RNF152: variants seen among roughly 807,000 people sequenced by gnomAD.
RNF152 encodes ring finger protein 152.
Under a neutral mutation model 12.7 loss-of-function variants are expected in RNF152, and 11 were observed. That is an observed-to-expected ratio of 0.86 (90% CI 0.54 to 1.43). RNF152 has a LOEUF of 1.43. RNF152 is among the 40% of genes most tolerant of loss of function. The pLI is 0.00. For synonymous variants in RNF152, 113 were observed against 120.3 expected (o/e 0.94, Z 0.40); for missense variants, 255 against 274.8 (o/e 0.93, Z 0.51).
At chr18:61,839,596 T>C (rs1057147863) in intron 1 of RNF152, among the ~76,000 whole-genome samples, 49 of 152,268 alleles carry the variant, frequency 3.2e-4, no homozygotes, top group African/African-American at 1.2e-3. Flanking sequence ...TCTTTTTACA[T>C]TTAAGAAGTA....
chr18:61,845,568 T>C (rs979166674), intron 1 of RNF152, among the ~76,000 whole-genome samples: 1 of 152,210 alleles, frequency 6.6e-6, no homozygotes, highest in African/African-American at 2.4e-5. Context: ...TTGGAAAGTT[T>C]TTATAACGTT....
chr18:61,848,849 C>T (rs1344315054), intron 1 of RNF152, among the ~76,000 whole-genome samples: 3 of 152,182 alleles, frequency 2.0e-5, no homozygotes, highest in Admixed American at 1.3e-4. Context: ...TGCCAGTGGC[C>T]TAACCCAACA....
intron 1 of RNF152, among the ~76,000 whole-genome samples, chr18:61,820,716 A>G (rs1266972000): frequency 6.6e-6 from 1 of 152,108 alleles, no homozygotes; most frequent in Non-Finnish European, 1.5e-5. Context: ...ATATCAAAAC[A>G]GTGACCACCG....
chr18:61,868,519 G>A (rs150615882), intron 1 of RNF152, among the ~76,000 whole-genome samples: 4,858 of 152,076 alleles, frequency 0.032, 268 homozygotes, highest in African/African-American at 0.11. Context: ...CCTGGCCAAC[G>A]TGGTAAAATC....
intron 1 of RNF152, among the ~76,000 whole-genome samples, chr18:61,840,092 A>G (rs1272221492): frequency 1.3e-5 from 2 of 152,154 alleles, no homozygotes; most frequent in Non-Finnish European, 2.9e-5. Context: ...GCACAGCTAG[A>G]AAATAAATGT....
chr18:61,867,011 G>A (rs1330335265), intron 1 of RNF152, among the ~76,000 whole-genome samples: 2 of 152,184 alleles, frequency 1.3e-5, no homozygotes, highest in African/African-American at 4.8e-5. Flanking sequence ...CTGCACATCA[G>A]GAATTTTTTT....
chr18:61,834,099 A>G (rs1433616276), intron 1 of RNF152, among the ~76,000 whole-genome samples: 1 of 152,160 alleles, frequency 6.6e-6, no homozygotes, highest in Non-Finnish European at 1.5e-5. Flanking sequence ...TAGTTGTCCA[A>G]TCTTATTTTT....
chr18:61,863,015 T>C (rs1372630064), intron 1 of RNF152, among the ~76,000 whole-genome samples: 1 of 150,916 alleles, frequency 6.6e-6, no homozygotes, highest in Non-Finnish European at 1.5e-5. Context: ...AAACAGAGAG[T>C]TTTCCCTACA....
chr18:61,816,093 C>T lies in RNF152; in HGVS notation c.371G>A (p.Gly124Glu). 1 of 1,614,148 alleles carries T rather than the reference C, an allele frequency of 6.2e-7. No homozygotes were observed. The highest frequency in any genetic ancestry group is 8.5e-7 in the Non-Finnish European group (1 of 1,180,008). The change falls in exon 2 of 2, where the codon GGG becomes GAG. Residue 124 changes from glycine (G) to glutamate (E), a missense_variant. By Grantham distance (98) the Gly-to-Glu change is moderately conservative. Transcript: ENST00000312828. ...CACGGTGACGGACTTCTGCTGGCTC[C>T]CGGGCAGCAGGCGGCAGCCCATGTC... ...PGDMGCRLLPGSQQKSVTVVT... is the reference protein window; with the variant it reads ...PGDMGCRLLPESQQKSVTVVT...
At chr18:61,825,729 G>A (rs1044344044) in intron 1 of RNF152, among the ~76,000 whole-genome samples, 2 of 152,080 alleles carry the variant, frequency 1.3e-5, no homozygotes, top group African/African-American at 2.4e-5. Context: ...GAGAGCAAAG[G>A]TCTCTCTCTG....
intron 1 of RNF152, among the ~76,000 whole-genome samples, chr18:61,860,627 G>C (rs190616120): frequency 3.0e-4 from 45 of 152,308 alleles, no homozygotes; most frequent in Admixed American, 7.9e-4. Flanking sequence ...TATGTTACTG[G>C]TTTCTGCATT....
chr18:61,834,962 C>T (rs945318704), intron 1 of RNF152, among the ~76,000 whole-genome samples: 1 of 152,154 alleles, frequency 6.6e-6, no homozygotes, highest in Admixed American at 6.5e-5. Context: ...AAAAAGGCAA[C>T]GTTCCCTGGG....
intron 1 of RNF152, among the ~76,000 whole-genome samples, chr18:61,855,759 C>T (rs762003095): frequency 3.3e-5 from 5 of 152,168 alleles, no homozygotes; most frequent in Non-Finnish European, 7.3e-5. Context: ...GTAGCATGAA[C>T]TGAGCGCAGC....
intron 1 of RNF152, among the ~76,000 whole-genome samples, chr18:61,842,733 G>C (rs1330397254): frequency 6.6e-6 from 1 of 152,218 alleles, no homozygotes; most frequent in Non-Finnish European, 1.5e-5. Flanking sequence ...CAATCATGGT[G>C]GAAGGCAAGG....
At chr18:61,859,836 A>C (rs984252939) in intron 1 of RNF152, among the ~76,000 whole-genome samples, 1 of 152,028 alleles carries the variant, frequency 6.6e-6, no homozygotes, top group Non-Finnish European at 1.5e-5. Context: ...CCGAGATTAC[A>C]CTATTGCACT....
chr18:61,833,652 G>A (rs1910052216), intron 1 of RNF152, among the ~76,000 whole-genome samples: 1 of 152,146 alleles, frequency 6.6e-6, no homozygotes, highest in Non-Finnish European at 1.5e-5. Flanking sequence ...TTTTTCTTTA[G>A]CTGATGGGAA....
chr18:61,818,095 T>C (rs529308193), intron 1 of RNF152, among the ~76,000 whole-genome samples: 1 of 152,246 alleles, frequency 6.6e-6, no homozygotes, highest in Admixed American at 6.5e-5. Flanking sequence ...CATCATGATA[T>C]ATAATGTGTT....
rs1912953964 is a variant in RNF152 at position 61,811,006 on chromosome 18, T to G, written c.*4846A>C. On this transcript the variant is annotated 3_prime_UTR_variant, in exon 2 of 2. Transcript: ENST00000312828. The stretch of plus-strand genomic sequence containing the variant: ...CTTTTGCACCGATAACTTTTGAACT[T>G]CTATCTTCCTATTAAGGCTAAAGAA... 6.6e-6 allele frequency: 1 copy of G among 151,362 alleles called. No homozygotes were observed. Among genetic ancestry groups the G allele is most frequent in the Non-Finnish European group, 1.5e-5 (1 of 67,952 alleles). 9.4% of individuals were successfully genotyped at this position (151,362 alleles called of 1,614,324 possible).
Position 61,816,570 on chromosome 18 carries a change from G to T in RNF152, c.-107C>A. On this transcript the variant is annotated 5_prime_UTR_variant, in exon 2 of 2. The change creates a premature stop within an existing upstream ORF in the 5' untranslated region. Coordinates refer to ENST00000312828, the MANE Select transcript of RNF152 (RefSeq NM_173557.3). ...AGTGCAGGTAATGGCAAGCTCACAG[G>T]CATCCAGTACTCACAGGTGTGTTCA... The T allele has an allele frequency of 8.4e-7, 1 of 1,184,694 alleles. No homozygotes were observed. The allele number at this position is 1,184,694 out of a possible 1,614,324, so 73.4% of individuals were successfully genotyped here.
Sources: gnomAD v4.1 joint callset for allele counts (sites outside exome capture counted in the v4.1 genomes callset) on GRCh38, gnomAD v4.1.1 for gene constraint, MANE v1.5 for transcripts, NCBI Gene and HGNC (gene_info 2026-07-23, HGNC 2026-07-21) for gene names.